Variants in FAM222B observed in about 807,000 individuals in gnomAD.
FAM222B encodes protein FAM222B.
Under a neutral mutation model 38.0 loss-of-function variants are expected in FAM222B, and 12 were observed. The ratio of observed to expected loss-of-function variants is 0.32; its 90% confidence interval spans 0.20 to 0.51. The LOEUF (loss-of-function observed/expected upper bound fraction) is 0.51, where lower values mean the gene tolerates loss of function less well. FAM222B is among the 20% of genes least tolerant of loss of function. The probability of loss-of-function intolerance (pLI) is 0.97; values close to 1 mark genes in which losing one functional copy is unlikely to be tolerated. For synonymous variants in FAM222B, 329 were observed against 317.2 expected (o/e 1.04, Z -0.40); for missense variants, 716 against 754.2 (o/e 0.95, Z 0.59).
chr17:28,785,701 A>AT lies in FAM222B; in HGVS notation c.-40-18995dup, dbSNP rs913829381. Among the ~76,000 whole-genome samples, 813 of 138,426 alleles carry AT rather than the reference A, an allele frequency of 5.9e-3. 5 individuals are homozygous for AT. Among genetic ancestry groups the AT allele is most frequent in the Middle Eastern group, 0.042 (11 of 262 alleles). 90.8% of individuals were successfully genotyped at this position (138,426 alleles called of 152,430 possible). A position where few individuals can be genotyped will look rare whatever the true frequency, so the allele number is the denominator to read the frequency against. ...CAGGCATGTGCCACCATGCCCGGCT[A>AT]TTTTTTTTTTTTTTTTGAGACAAAG... On this transcript the variant is annotated intron_variant, in intron 1 of 2. Transcript: ENST00000581407.
At chr17:28,800,626 T>C (rs1034562977) in intron 1 of FAM222B, among the ~76,000 whole-genome samples, 6 of 152,186 alleles carry the variant, frequency 3.9e-5, no homozygotes, top group Admixed American at 2.6e-4. Context: ...TGCCAGGGAC[T>C]ATGGAAATAG....
At position 28,757,270 on chromosome 17, in the gene FAM222B, C is replaced by A. The variant is rs182967908; in HGVS notation, c.*1000G>T. 6.6e-6 allele frequency: 1 copy of A among 152,624 alleles called. No homozygotes were observed. The highest frequency in any genetic ancestry group is 1.9e-4 in the East Asian group (1 of 5,188). The allele number at this position is 152,624 out of a possible 1,614,324, so 9.5% of individuals were successfully genotyped here. On this transcript the variant is annotated 3_prime_UTR_variant, in exon 3 of 3. Transcript: ENST00000581407. ...GGGTGAATGTACCTGTGGGGCCACT[C>A]ACACACAATGCTACTCAAACCCACA...
Position 28,758,664 on chromosome 17 carries a change from G to A in FAM222B, c.1295C>T (p.Ser432Phe). The A allele has an allele frequency of 1.2e-6, 2 of 1,608,154 alleles. No homozygotes were observed. The highest frequency in any genetic ancestry group is 1.7e-6 in the Non-Finnish European group (2 of 1,176,512). Reference sequence around the variant, plus strand: ...GGCTGCCATGCCGTTGACTGGTGGGGATGGGGTCGGCTTTTCCAGGGGTGG... The same window carrying A: ...GGCTGCCATGCCGTTGACTGGTGGGAATGGGGTCGGCTTTTCCAGGGGTGG... ...LKPPLEKPTP[S>F]PPVNGMAAPL... Residue 432 changes from serine to phenylalanine, a missense_variant, in exon 3 of 3, where the codon TCC (serine) becomes TTC (phenylalanine). By Grantham distance (155) the Ser-to-Phe change is radical. Coordinates refer to ENST00000581407, the MANE Select transcript of FAM222B (RefSeq NM_001077498.3).
chr17:28,783,137 CAAA>C (rs74267063), intron 1 of FAM222B, among the ~76,000 whole-genome samples: 6 of 56,304 alleles, frequency 1.1e-4, no homozygotes, highest in African/African-American at 6.8e-5. Context: ...GACCCTGTCT[CAAA>C]AAAAAAAAAA....
chr17:28,795,100 A>C (rs1243289224), intron 1 of FAM222B, among the ~76,000 whole-genome samples: 1 of 152,054 alleles, frequency 6.6e-6, no homozygotes, highest in Non-Finnish European at 1.5e-5. Context: ...TTCAAAAAAA[A>C]AAAAAAACCC....
chr17:28,802,021 G>GA, intron 1 of FAM222B, among the ~76,000 whole-genome samples: 1 of 146,988 alleles, frequency 6.8e-6, no homozygotes, highest in East Asian at 2.0e-4. Context: ...AAAAAAAAAA[G>GA]AAAAAAAGAA....
In FAM222B at chr17:28,758,511, G is replaced by A. The variant is rs766984073; in HGVS notation, c.1448C>T (p.Ala483Val). Residue 483 changes from alanine to valine, a missense_variant, in exon 3 of 3, where the codon GCA (alanine) becomes GTA (valine). Ala to Val is a moderately conservative substitution (Grantham distance 64). Coordinates refer to ENST00000581407, the MANE Select transcript of FAM222B (RefSeq NM_001077498.3). ...GGGAGCTGCCGCACAGTCGAGGGGTGCACCTGTGGGCTGCCCACCGTGGAA... is the reference window on the plus strand; with the variant it reads ...GGGAGCTGCCGCACAGTCGAGGGGTACACCTGTGGGCTGCCCACCGTGGAA... ...MPFHGGQPTG[A>V]PLDCAAAPGA... The A allele has an allele frequency of 1.9e-6, 3 of 1,611,792 alleles. No individual in the cohort carries two copies. Among genetic ancestry groups the A allele is most frequent in the Non-Finnish European group, 1.7e-6 (2 of 1,179,824 alleles).
chr17:28,812,704 C>G (rs1300866495), intron 1 of FAM222B, among the ~76,000 whole-genome samples: 1 of 152,026 alleles, frequency 6.6e-6, no homozygotes, highest in African/African-American at 2.4e-5. Flanking sequence ...CCAAGCATCC[C>G]GTAGCTGGGC....
intron 1 of FAM222B, among the ~76,000 whole-genome samples, chr17:28,800,418 A>G (rs976258870): frequency 3.9e-5 from 6 of 152,206 alleles, no homozygotes; most frequent in Middle Eastern, 3.2e-3. Context: ...AAACAATTTT[A>G]GAGAGCTATT....
intron 1 of FAM222B, among the ~76,000 whole-genome samples, chr17:28,800,069 T>C (rs1224176694): frequency 6.6e-6 from 1 of 152,118 alleles, no homozygotes; most frequent in Non-Finnish European, 1.5e-5. Flanking sequence ...TTCACTCTTG[T>C]TGCCCATGCT....
At chr17:28,854,074 G>C (rs1443350992) in intron 1 of FAM222B, among the ~76,000 whole-genome samples, 2 of 151,556 alleles carry the variant, frequency 1.3e-5, no homozygotes, top group Admixed American at 1.3e-4. Context: ...CTCCTGAGTA[G>C]CTGGGACTAC....
At chr17:28,769,664 C>T (rs1039692336) in intron 1 of FAM222B, among the ~76,000 whole-genome samples, 7 of 152,186 alleles carry the variant, frequency 4.6e-5, no homozygotes, top group African/African-American at 1.7e-4. Flanking sequence ...GAATAAAATA[C>T]AAAATCCTAA....
At chr17:28,768,836 C>CAAAAAAAAAAAAAAAAAAAAAAAAAA (rs71359249) in intron 1 of FAM222B, among the ~76,000 whole-genome samples, 1 of 70,878 alleles carries the variant, frequency 1.4e-5, no homozygotes, top group Non-Finnish European at 2.7e-5. Flanking sequence ...AACTCTGTCT[C>CAAAAAAAAAAAAAAAAAAAAAAAAAA]AAAAAAAAAA....
chr17:28,825,522 T>C (rs1223398856), intron 1 of FAM222B, among the ~76,000 whole-genome samples: 1 of 151,952 alleles, frequency 6.6e-6, no homozygotes, highest in Non-Finnish European at 1.5e-5. Context: ...CCTCTGCCTT[T>C]GTCATCTCGT....
chr17:28,804,518 T>C (rs951117637), intron 1 of FAM222B, among the ~76,000 whole-genome samples: 3 of 151,938 alleles, frequency 2.0e-5, no homozygotes, highest in Non-Finnish European at 4.4e-5. Context: ...TATTTTTTAG[T>C]AGAGAAGGGG....
chr17:28,820,027 G>T (rs1263165489), intron 1 of FAM222B, among the ~76,000 whole-genome samples: 2 of 152,144 alleles, frequency 1.3e-5, no homozygotes, highest in African/African-American at 2.4e-5. Context: ...CAGAAAAAAA[G>T]ATTCCAGTCC....
chr17:28,846,241 C>T (rs1209877892), upstream of FAM222B, among the ~76,000 whole-genome samples: 1 of 150,288 alleles, frequency 6.7e-6, no homozygotes, highest in Non-Finnish European at 1.5e-5. Flanking sequence ...TGGTGGTGCA[C>T]ACCTGTGGTC....
intron 1 of FAM222B, among the ~76,000 whole-genome samples, chr17:28,792,643 T>C (rs2036751855): frequency 6.6e-6 from 1 of 151,812 alleles, no homozygotes; most frequent in African/African-American, 2.4e-5. Flanking sequence ...TAGCCAGGTG[T>C]GGTGGCATGT....
intron 1 of FAM222B, among the ~76,000 whole-genome samples, chr17:28,825,624 A>C (rs1598027195): frequency 6.6e-6 from 1 of 152,132 alleles, no homozygotes; most frequent in East Asian, 1.9e-4. Context: ...GGTGTTCTGC[A>C]CTATAATGTT....
Sources: allele counts gnomAD v4.1 joint callset (sites outside exome capture counted in the v4.1 genomes callset), GRCh38; gene constraint gnomAD v4.1.1; transcripts MANE v1.5; gene names NCBI Gene and HGNC (gene_info 2026-07-23, HGNC 2026-07-21).